The following MARK1 variants were observed in gnomAD, a reference collection of about 807,000 sequenced individuals.
MARK1 encodes microtubule affinity regulating kinase 1.
Under a neutral mutation model 96.3 loss-of-function variants are expected in MARK1, and 40 were observed. That is an observed-to-expected ratio of 0.42 (90% confidence interval 0.32 to 0.54). MARK1 has a LOEUF of 0.54. Among genes scored for constraint, MARK1 ranks in the 20% least tolerant of loss-of-function variants. The pLI is 0.16. For synonymous variants in MARK1, 317 were observed against 341.2 expected (o/e 0.93, Z 0.78); for missense variants, 719 against 984.6 (o/e 0.73, Z 3.61).
chr1:220,605,212 A>G (rs1379756781), intron 6 of MARK1, among the ~76,000 whole-genome samples: 1 of 152,324 alleles, frequency 6.6e-6, no homozygotes, highest in East Asian at 1.9e-4. Context: ...AACCTCTGTT[A>G]TTAATGTTTC....
chr1:220,619,346 C>T (rs967085008), intron 9 of MARK1, among the ~76,000 whole-genome samples: 1 of 152,180 alleles, frequency 6.6e-6, no homozygotes, highest in African/African-American at 2.4e-5. Flanking sequence ...AGGTGGCACA[C>T]ACCTGTAGTC....
At chr1:220,574,406 A>G (rs1663689555) in intron 1 of MARK1, among the ~76,000 whole-genome samples, 1 of 152,170 alleles carries the variant, frequency 6.6e-6, no homozygotes, top group South Asian at 2.1e-4. Flanking sequence ...TTTCTTCTCC[A>G]TGACTTCATT....
Position 220,632,182 on chromosome 1 carries a change from C to G in MARK1, c.1010-19C>G, listed in dbSNP as rs41303273. 1.6e-6 allele frequency: 2 copies of G among 1,238,160 alleles called. No individual in the cohort carries two copies. The highest frequency in any genetic ancestry group is 3.9e-5 in the South Asian group (2 of 51,184). 76.7% of individuals were successfully genotyped at this position (1,238,160 alleles called of 1,614,324 possible). A position where few individuals can be genotyped will look rare whatever the true frequency, so the allele number is the denominator to read the frequency against. ...AAATAAAACCATTTTCAGAAAATTT[C>G]TCTTTTTTAAATTTCTAGACATTAT... On this transcript the variant is annotated intron_variant, in intron 10 of 17. Coordinates refer to ENST00000366917, the MANE Select transcript of MARK1 (RefSeq NM_018650.5).
chr1:220,562,759 T>C (rs1364984918), intron 1 of MARK1, among the ~76,000 whole-genome samples: 1 of 152,198 alleles, frequency 6.6e-6, no homozygotes, highest in African/African-American at 2.4e-5. Flanking sequence ...GTGTATATCC[T>C]CCTATATACT....
intron 3 of MARK1, among the ~76,000 whole-genome samples, chr1:220,589,250 G>T (rs1486691426): frequency 1.3e-5 from 2 of 152,162 alleles, no homozygotes. Flanking sequence ...ATGACACTTT[G>T]GGTGTAACTA....
At chr1:220,641,532 AT>A (rs1244471346) in intron 13 of MARK1, among the ~76,000 whole-genome samples, 4 of 152,038 alleles carry the variant, frequency 2.6e-5, no homozygotes, top group Non-Finnish European at 4.4e-5. Flanking sequence ...AGTTTATGAT[AT>A]TTTTTTATAG....
At chr1:220,622,339 G>T (rs774475267) in intron 9 of MARK1, among the ~76,000 whole-genome samples, 8 of 151,998 alleles carry the variant, frequency 5.3e-5, no homozygotes, top group Non-Finnish European at 1.0e-4. Flanking sequence ...TCCTCTTATT[G>T]CCCTCTCTTT....
chr1:220,577,954 TA>T (rs1053817965), intron 1 of MARK1, among the ~76,000 whole-genome samples: 9 of 152,280 alleles, frequency 5.9e-5, no homozygotes, highest in African/African-American at 2.2e-4. Context: ...AGCTGAGTTT[TA>T]AAAAATTATC....
At chr1:220,607,749 CGA>C (rs1666172640) in intron 6 of MARK1, among the ~76,000 whole-genome samples, 2 of 152,148 alleles carry the variant, frequency 1.3e-5, no homozygotes, top group African/African-American at 4.8e-5. Context: ...CCTGGTTTAT[CGA>C]GAGTTTTTAG....
At chr1:220,647,871 A>G (rs1668665072) in intron 13 of MARK1, among the ~76,000 whole-genome samples, 1 of 152,122 alleles carries the variant, frequency 6.6e-6, no homozygotes. Flanking sequence ...AGAGGGGAAC[A>G]ACACACACTG....
At chr1:220,556,506 ACAAATT>A (rs1472406958) in intron 1 of MARK1, among the ~76,000 whole-genome samples, 3 of 150,094 alleles carry the variant, frequency 2.0e-5, no homozygotes, top group African/African-American at 7.4e-5. Context: ...AAAAAAAAAA[ACAAATT>A]ACAGATTTCA....
intron 15 of MARK1, among the ~76,000 whole-genome samples, chr1:220,652,463 G>A (rs778950036): frequency 3.3e-5 from 5 of 151,936 alleles, no homozygotes; most frequent in East Asian, 1.9e-4. Context: ...TAAACCATAC[G>A]AACAAACACT....
At chr1:220,588,235 A>G (rs1238537485) in intron 3 of MARK1, among the ~76,000 whole-genome samples, 1 of 152,222 alleles carries the variant, frequency 6.6e-6, no homozygotes, top group African/African-American at 2.4e-5. Context: ...TTTACTGAGC[A>G]CCAACTTATA....
chr1:220,573,121 T>G (rs1195540313), intron 1 of MARK1, among the ~76,000 whole-genome samples: 1 of 152,098 alleles, frequency 6.6e-6, no homozygotes, highest in Non-Finnish European at 1.5e-5. Context: ...CTACACTGGG[T>G]TTTTTTATTT....
intron 1 of MARK1, among the ~76,000 whole-genome samples, chr1:220,546,132 T>G (rs533968440): frequency 6.6e-6 from 1 of 152,332 alleles, no homozygotes; most frequent in South Asian, 2.1e-4. Context: ...CTCTGCTCCT[T>G]GCCTGTAAAT....
intron 17 of MARK1, among the ~76,000 whole-genome samples, chr1:220,661,320 T>TA (rs1669470552): frequency 1.3e-5 from 2 of 152,212 alleles, no homozygotes; most frequent in African/African-American, 4.8e-5. Context: ...CTAACATCTT[T>TA]ACCTAATTGC....
At chr1:220,610,447 C>T (rs1044510290) in intron 6 of MARK1, among the ~76,000 whole-genome samples, 14 of 152,100 alleles carry the variant, frequency 9.2e-5, no homozygotes, top group African/African-American at 1.4e-4. Flanking sequence ...CTTAGCCATT[C>T]GTCTAATCTT....
At chr1:220,594,026 C>T (rs1558284251) in intron 3 of MARK1, among the ~76,000 whole-genome samples, 1 of 152,214 alleles carries the variant, frequency 6.6e-6, no homozygotes, top group East Asian at 1.9e-4. Flanking sequence ...TGCCCAGGAC[C>T]TCCAGGACTG....
chr1:220,637,546 G>A (rs1394704156), intron 13 of MARK1, among the ~76,000 whole-genome samples: 1 of 152,042 alleles, frequency 6.6e-6, no homozygotes, highest in Non-Finnish European at 1.5e-5. Context: ...GGGCATGGTG[G>A]TGCACACCTG....
Sources: gnomAD v4.1 joint callset for allele counts (sites outside exome capture counted in the v4.1 genomes callset) on GRCh38, gnomAD v4.1.1 for gene constraint, MANE v1.5 for transcripts, NCBI Gene and HGNC (gene_info 2026-07-23, HGNC 2026-07-21) for gene names.